Variants in FUBP3 observed in about 807,000 individuals in gnomAD.
The protein encoded by FUBP3 is far upstream element-binding protein 3.
Under a neutral mutation model 85.6 loss-of-function variants are expected in FUBP3, and 28 were observed. The observed-to-expected ratio is 0.33, with a 90% confidence interval of 0.24 to 0.45. FUBP3 has a LOEUF of 0.45. FUBP3 is among the 20% of genes least tolerant of loss of function. The pLI, the probability that FUBP3 is intolerant of heterozygous loss-of-function variation, is 1.00. For missense variants in FUBP3, 583 were observed against 755.1 expected (o/e 0.77, Z 2.67); for synonymous variants, 271 against 271.4 (o/e 1.00, Z 0.01).
chr9:130,596,614 G>T, intron 2 of FUBP3: 1 of 403,982 alleles, frequency 2.5e-6, no homozygotes. Flanking sequence ...CTCCCACCTC[G>T]GCTTCCCAAG....
At chr9:130,604,034 C>T (rs1833324891) in intron 2 of FUBP3, among the ~76,000 whole-genome samples, 1 of 152,242 alleles carries the variant, frequency 6.6e-6, no homozygotes, top group Admixed American at 6.5e-5. Context: ...ACAGCCATAC[C>T]GTGGAATATC....
chr9:130,622,597 C>T (rs1472965115), intron 9 of FUBP3, 111 bp from the exon 10 acceptor site: 1 of 522,160 alleles, frequency 1.9e-6, no homozygotes, highest in Non-Finnish European at 3.4e-6. Context: ...TGCCACTGCA[C>T]TCCAGCCTGG....
intron 18 of FUBP3, 77 bp from the exon 19 acceptor site, chr9:130,636,937 G>C: frequency 7.8e-7 from 1 of 1,275,518 alleles, no homozygotes. Flanking sequence ...CGTGACGCGA[G>C]ACCTGGGGGA....
rs536721063 is a variant in FUBP3, at chr9:130,599,646, A to G, written c.190+4058A>G. On this transcript the variant is annotated intron_variant, in intron 2 of 18. Coordinates refer to ENST00000319725, the MANE Select transcript of FUBP3 (RefSeq NM_003934.2). ...CCGCCCTCCAGCTTTGGATCAGGCC[A>G]TTTTAACCTTCACTGTCTTCAATCT... Among the ~76,000 whole-genome samples the G allele has an allele frequency of 2.6e-5, 4 of 152,260 alleles. 1 individual carries two copies. The highest frequency in any genetic ancestry group is 7.2e-5 in the African/African-American group (3 of 41,562).
chr9:130,624,609 TTGTGTGTGTG>T (rs138986229), intron 11 of FUBP3, among the ~76,000 whole-genome samples: 68 of 143,970 alleles, frequency 4.7e-4, no homozygotes, highest in African/African-American at 8.3e-4. Flanking sequence ...TTACAAGATT[TTGTGTGTGTG>T]TGTGTGTGTG....
intron 2 of FUBP3, among the ~76,000 whole-genome samples, chr9:130,600,365 A>G (rs943966553): frequency 2.1e-4 from 32 of 152,130 alleles, no homozygotes; most frequent in African/African-American, 7.5e-4. Context: ...TTCATGCTCA[A>G]GTTCTCCCGT....
intron 1 of FUBP3, among the ~76,000 whole-genome samples, chr9:130,592,924 A>C (rs1830700187): frequency 6.6e-6 from 1 of 152,052 alleles, no homozygotes; most frequent in South Asian, 2.1e-4. Context: ...CCTTCCTATA[A>C]AGTCCAAGCT....
intron 12 of FUBP3, among the ~76,000 whole-genome samples, 178 bp downstream of exon 12, chr9:130,626,683 G>A (rs557613105): frequency 1.8e-4 from 28 of 152,332 alleles, no homozygotes; most frequent in African/African-American, 6.3e-4. Flanking sequence ...CTCTGAGGCT[G>A]CTGACGGGCC....
intron 12 of FUBP3, among the ~76,000 whole-genome samples, chr9:130,627,420 G>T (rs1307851976): frequency 6.6e-6 from 1 of 152,216 alleles, no homozygotes; most frequent in African/African-American, 2.4e-5. Flanking sequence ...CTGCTTGAGG[G>T]GCGCTCGTAT....
intron 1 of FUBP3, among the ~76,000 whole-genome samples, chr9:130,583,436 G>T (rs1830214956): frequency 6.6e-6 from 1 of 152,216 alleles, no homozygotes; most frequent in Non-Finnish European, 1.5e-5. Context: ...TGGCCAGTGG[G>T]TTCGCCCTGC....
At chr9:130,626,572 AC>A in intron 12 of FUBP3, 67 bp downstream of exon 12, 1 of 1,520,758 alleles carries the variant, frequency 6.6e-7, no homozygotes, top group Non-Finnish European at 9.0e-7. Context: ...AGGTCACGGG[AC>A]CTCCAGAACC....
chr9:130,604,900 CAAA>C (rs1267671003), intron 2 of FUBP3, among the ~76,000 whole-genome samples: 3 of 71,092 alleles, frequency 4.2e-5, no homozygotes, highest in Admixed American at 1.5e-4. Context: ...CTGTCTCAAA[CAAA>C]AAAAAAAAAA....
intron 6 of FUBP3, among the ~76,000 whole-genome samples, chr9:130,615,691 G>T (rs932885819): frequency 6.6e-6 from 1 of 152,176 alleles, no homozygotes; most frequent in Non-Finnish European, 1.5e-5. Context: ...CACGTGACAC[G>T]CAGGGTCCCA....
intron 1 of FUBP3, among the ~76,000 whole-genome samples, chr9:130,584,293 C>T (rs928939183): frequency 6.0e-5 from 9 of 150,386 alleles, no homozygotes; most frequent in East Asian, 4.0e-4. Context: ...TTTGGGAGGC[C>T]GAGGTGGGCG....
At chr9:130,613,774 T>A (rs139663067) in intron 5 of FUBP3, among the ~76,000 whole-genome samples, 2 of 152,138 alleles carry the variant, frequency 1.3e-5, no homozygotes, top group Non-Finnish European at 2.9e-5. Flanking sequence ...AGGCATCACA[T>A]GTGGTGTTAG....
At chr9:130,595,226 CA>C (rs10585883) in intron 1 of FUBP3, among the ~76,000 whole-genome samples, 58,542 of 100,860 alleles carry the variant, frequency 0.58, 13,519 homozygotes, top group East Asian at 0.8. Context: ...AACTCCGTCT[CA>C]AAAAAAAAAA....
intron 1 of FUBP3, among the ~76,000 whole-genome samples, chr9:130,592,791 G>A (rs776647270): frequency 2.2e-4 from 34 of 152,194 alleles, no homozygotes; most frequent in Non-Finnish European, 3.8e-4. Flanking sequence ...CAGTCATCCC[G>A]CTTTGACCTC....
intron 16 of FUBP3, among the ~76,000 whole-genome samples, chr9:130,632,732 C>T (rs1256452766): frequency 6.6e-6 from 1 of 152,216 alleles, no homozygotes; most frequent in Non-Finnish European, 1.5e-5. Context: ...TTTTCAGAAG[C>T]AAACAGCTAG....
At chr9:130,623,191 CATCTT>C (rs2119100254) in intron 10 of FUBP3, among the ~76,000 whole-genome samples, 1 of 152,158 alleles carries the variant, frequency 6.6e-6, no homozygotes, top group African/African-American at 2.4e-5. Context: ...AAAGACAAAA[CATCTT>C]AGAATAAAGG....
Sources: gnomAD v4.1 joint callset for allele counts (sites outside exome capture counted in the v4.1 genomes callset) on GRCh38, gnomAD v4.1.1 for gene constraint, MANE v1.5 for transcripts, NCBI Gene and HGNC (gene_info 2026-07-23, HGNC 2026-07-21) for gene names.